ZNF423: variants seen among roughly 807,000 people sequenced by gnomAD.
The protein encoded by ZNF423 is zinc finger protein 423.
In ZNF423, 12 loss-of-function variants were observed where a neutral mutation model predicts 95.8. That is an observed-to-expected ratio of 0.13 (90% CI 0.08 to 0.20). The LOEUF (loss-of-function observed/expected upper bound fraction) is 0.20, where lower values mean the gene tolerates loss of function less well. Ranked by LOEUF, ZNF423 falls within the 10% of genes least tolerant of loss-of-function variation. The pLI is 1.00. For missense variants in ZNF423, 1,316 were observed against 1,737.1 expected (o/e 0.76, Z 4.31); for synonymous variants, 749 against 711.9 (o/e 1.05, Z -0.83).
intron 1 of ZNF423, among the ~76,000 whole-genome samples, chr16:49,801,082 T>G (rs907468844): frequency 6.6e-6 from 1 of 152,220 alleles, no homozygotes; most frequent in Non-Finnish European, 1.5e-5. Flanking sequence ...ATTAAAACAA[T>G]GTCTTTTTTC....
chr16:49,774,101 G>A (rs2034080806), intron 2 of ZNF423, among the ~76,000 whole-genome samples: 1 of 152,246 alleles, frequency 6.6e-6, no homozygotes. Context: ...TGATGGGTGA[G>A]TCCTACGCAG....
chr16:49,532,488 G>C (rs183025816), intron 5 of ZNF423, among the ~76,000 whole-genome samples: 7 of 152,322 alleles, frequency 4.6e-5, no homozygotes, highest in Non-Finnish European at 1.0e-4. Flanking sequence ...GGGACCCATC[G>C]TATGGTCCCC....
chr16:49,523,746 A>G lies in ZNF423; in HGVS notation c.3734-7T>C. ...TTGTTGGCCTGGACGAAGACTAGAC[A>G]CAGACACGGCTGTCAGGGCCAAGCT... On this transcript the variant is annotated splice_polypyrimidine_tract_variant and splice_region_variant and intron_variant, in intron 6 of 7. Transcript: ENST00000563137. 3 of 1,611,900 alleles carry G rather than the reference A, an allele frequency of 1.9e-6. No homozygotes were observed. Among genetic ancestry groups the G allele is most frequent in the Non-Finnish European group, 2.5e-6 (3 of 1,179,706 alleles).
At chr16:49,641,715 A>G (rs1250939811) in intron 3 of ZNF423, among the ~76,000 whole-genome samples, 1 of 152,224 alleles carries the variant, frequency 6.6e-6, no homozygotes, top group Non-Finnish European at 1.5e-5. Context: ...CGCATCTGAA[A>G]AAAGGGAATC....
intron 3 of ZNF423, among the ~76,000 whole-genome samples, chr16:49,718,110 C>T (rs1157471099): frequency 1.3e-5 from 2 of 152,154 alleles, no homozygotes; most frequent in Non-Finnish European, 2.9e-5. Flanking sequence ...TCCCAGCACA[C>T]AGTAGATGCT....
chr16:49,671,902 C>G (rs772623128), intron 3 of ZNF423, among the ~76,000 whole-genome samples: 1 of 152,106 alleles, frequency 6.6e-6, no homozygotes, highest in Non-Finnish European at 1.5e-5. Context: ...CCAGGCTGGT[C>G]TCAAACTCCT....
intron 3 of ZNF423, among the ~76,000 whole-genome samples, chr16:49,721,046 G>C (rs1208958980): frequency 6.6e-6 from 1 of 152,246 alleles, no homozygotes; most frequent in Non-Finnish European, 1.5e-5. Flanking sequence ...GAGGTGCTGG[G>C]GCACCTCTGC....
intron 5 of ZNF423, among the ~76,000 whole-genome samples, chr16:49,541,155 A>G (rs1202630396): frequency 6.6e-6 from 1 of 152,166 alleles, no homozygotes; most frequent in Admixed American, 6.5e-5. Context: ...GTAGGGAGGA[A>G]GGATGGACCA....
intron 5 of ZNF423, among the ~76,000 whole-genome samples, chr16:49,592,103 T>C (rs1971027870): frequency 6.6e-6 from 1 of 152,252 alleles, no homozygotes; most frequent in Non-Finnish European, 1.5e-5. Flanking sequence ...GCAGTTGCTT[T>C]TAATTTCTAT....
chr16:49,719,229 A>AG (rs1308360854), intron 3 of ZNF423, among the ~76,000 whole-genome samples: 1 of 152,170 alleles, frequency 6.6e-6, no homozygotes, highest in African/African-American at 2.4e-5. Context: ...GGAGGGCAGG[A>AG]AGTGCCGGCC....
chr16:49,665,021 C>A (rs1284031072), intron 3 of ZNF423, among the ~76,000 whole-genome samples: 1 of 152,256 alleles, frequency 6.6e-6, no homozygotes. Context: ...TCCGCTCAGC[C>A]TTGGTCAGGT....
intron 3 of ZNF423, among the ~76,000 whole-genome samples, chr16:49,663,175 AG>A (rs1211612686): frequency 6.6e-6 from 1 of 152,202 alleles, no homozygotes; most frequent in Admixed American, 6.5e-5. Context: ...AACACCACGC[AG>A]GATTGGTACT....
At chr16:49,643,699 C>T (rs901493421) in intron 3 of ZNF423, among the ~76,000 whole-genome samples, 8 of 151,962 alleles carry the variant, frequency 5.3e-5, no homozygotes, top group African/African-American at 1.7e-4. Flanking sequence ...CACACACACA[C>T]TTGCAAAATG....
At chr16:49,762,582 G>A (rs1179969846) in intron 2 of ZNF423, among the ~76,000 whole-genome samples, 1 of 152,180 alleles carries the variant, frequency 6.6e-6, no homozygotes, top group Non-Finnish European at 1.5e-5. Flanking sequence ...TAGGCATCCT[G>A]CACCTCATTC....
intron 2 of ZNF423, among the ~76,000 whole-genome samples, chr16:49,766,290 G>A (rs1358896426): frequency 1.3e-5 from 2 of 152,106 alleles, no homozygotes; most frequent in African/African-American, 2.4e-5. Context: ...CAGCTCCAGC[G>A]AGCCTAAAGG....
At chr16:49,678,796 GCA>G (rs1253603333) in intron 3 of ZNF423, among the ~76,000 whole-genome samples, 1 of 152,240 alleles carries the variant, frequency 6.6e-6, no homozygotes, top group Non-Finnish European at 1.5e-5. Context: ...GGGTGCCACA[GCA>G]CACAGTTTGG....
At chr16:49,528,938 G>C (rs1402709675) in intron 5 of ZNF423, among the ~76,000 whole-genome samples, 1 of 151,996 alleles carries the variant, frequency 6.6e-6, no homozygotes, top group Admixed American at 6.6e-5. Context: ...ACCCCAAGAT[G>C]CAGGGTCCGC....
intron 7 of ZNF423, among the ~76,000 whole-genome samples, chr16:49,521,866 C>T (rs1968409805): frequency 6.6e-6 from 1 of 152,200 alleles, no homozygotes; most frequent in Admixed American, 6.5e-5. Context: ...CCCCCCGGTC[C>T]CCACACCCTC....
chr16:49,513,296 C>A (rs1027344940), intron 7 of ZNF423, among the ~76,000 whole-genome samples: 1 of 152,154 alleles, frequency 6.6e-6, no homozygotes, highest in African/African-American at 2.4e-5. Flanking sequence ...GGTCTCCCAG[C>A]AGAAGTCAGG....
Sources: gnomAD v4.1 joint callset for allele counts (sites outside exome capture counted in the v4.1 genomes callset) on GRCh38, gnomAD v4.1.1 for gene constraint, MANE v1.5 for transcripts, NCBI Gene and HGNC (gene_info 2026-07-23, HGNC 2026-07-21) for gene names.